Variants in PRRC2B observed in about 807,000 individuals in gnomAD.
PRRC2B encodes proline rich coiled-coil 2B.
A neutral mutation model predicts 242.3 loss-of-function variants in PRRC2B; 68 were observed. The ratio of observed to expected loss-of-function variants is 0.28; its 90% CI spans 0.23 to 0.34. PRRC2B has a LOEUF of 0.34. Ranked by LOEUF, PRRC2B falls within the 10% of genes least tolerant of loss-of-function variation. PRRC2B has a pLI of 1.00. For missense variants in PRRC2B, 2,835 were observed against 2,954.8 expected (o/e 0.96, Z 0.94); for synonymous variants, 1,228 against 1,173.6 (o/e 1.05, Z -0.95).
At chr9:131,436,792 GA>G (rs1386368009) in intron 4 of PRRC2B, 70 bp downstream of exon 4, 1 of 1,281,308 alleles carries the variant, frequency 7.8e-7, no homozygotes, top group East Asian at 2.3e-5. Context: ...GTTGCTGGGG[GA>G]TGGAAGGAGT....
rs184673881 is a variant in PRRC2B, at chr9:131,438,373, G to T, written c.397-616G>T. Among the ~76,000 whole-genome samples the T allele has an allele frequency of 4.1e-3, 617 of 152,162 alleles. 3 individuals carry two copies. The highest frequency in any genetic ancestry group is 0.014 in the African/African-American group (598 of 41,492). The stretch of plus-strand genomic sequence containing the variant: ...GGGGATGTGACTAGAGCCTTCTCAG[G>T]GGGTGGTGAGCATTCAGTCAGGCTG... On this transcript the variant is annotated intron_variant, in intron 4 of 31. Transcript: ENST00000683519.
intron 1 of PRRC2B, among the ~76,000 whole-genome samples, chr9:131,407,542 G>A (rs974490721): frequency 2.0e-5 from 3 of 152,096 alleles, no homozygotes; most frequent in Non-Finnish European, 4.4e-5. Context: ...AACTGGCTTC[G>A]CCGGCGATTG....
chr9:131,397,568 T>G (rs933567090), intron 1 of PRRC2B, among the ~76,000 whole-genome samples: 4 of 8,666 alleles, frequency 4.6e-4, no homozygotes, highest in African/African-American at 6.7e-4. Context: ...TGAGGGTTTT[T>G]TTTTTTTTTT....
chr9:131,376,597 C>T lies in PRRC2B; in HGVS notation c.-56+2866C>T, dbSNP rs554686723. Among the ~76,000 whole-genome samples, 9 of 152,250 alleles carry T rather than the reference C, an allele frequency of 5.9e-5. No homozygotes were observed. In the East Asian group the frequency reaches 9.7e-4, roughly 16 times the overall value. On this transcript the variant is annotated intron_variant, in intron 1 of 1. Transcript: ENST00000682525. ...AGGCCAGAGTGATGGGCATGCTTCC[C>T]GGCCTGTGTTTCCTTGTTAACACAA... is the stretch of plus-strand genomic sequence containing the variant.
intron 1 of PRRC2B, among the ~76,000 whole-genome samples, chr9:131,376,596 C>G (rs1326763987): frequency 1.3e-5 from 2 of 152,102 alleles, no homozygotes; most frequent in Non-Finnish European, 2.9e-5. Flanking sequence ...GGCATGCTTC[C>G]CGGCCTGTGT....
chr9:131,427,557 C>G (rs1367287739), intron 1 of PRRC2B, among the ~76,000 whole-genome samples: 1 of 152,168 alleles, frequency 6.6e-6, no homozygotes, highest in African/African-American at 2.4e-5. Flanking sequence ...GTCTCGATCT[C>G]CTGACCTAGT....
intron 31 of PRRC2B, among the ~76,000 whole-genome samples, chr9:131,495,130 T>C (rs1191860052): frequency 6.6e-6 from 1 of 152,122 alleles, no homozygotes; most frequent in African/African-American, 2.4e-5. Context: ...TCTTCCAGAG[T>C]TCAGACCTGG....
At chr9:131,412,305 C>T (rs1837527981) in intron 1 of PRRC2B, among the ~76,000 whole-genome samples, 1 of 152,066 alleles carries the variant, frequency 6.6e-6, no homozygotes, top group East Asian at 1.9e-4. Flanking sequence ...GTGTCTGTCT[C>T]CTTTGATTCA....
chr9:131,448,543 C>CAGAAAA (rs1838884232), intron 9 of PRRC2B, among the ~76,000 whole-genome samples: 1 of 39,874 alleles, frequency 2.5e-5, no homozygotes, highest in Non-Finnish European at 5.3e-5. Context: ...GACACTGTCT[C>CAGAAAA]AAAAAAAAAA....
At chr9:131,419,191 G>T (rs1306379538) in intron 1 of PRRC2B, among the ~76,000 whole-genome samples, 1 of 152,156 alleles carries the variant, frequency 6.6e-6, no homozygotes, top group African/African-American at 2.4e-5. Flanking sequence ...TGAAACTGGG[G>T]CAGTTTAGTG....
intron 6 of PRRC2B, 119 bp downstream of exon 6, chr9:131,444,447 GC>G (rs35673714): frequency 0.81 from 904,319 of 1,120,422 alleles, 367,992 homozygotes; most frequent in East Asian, 0.92. Flanking sequence ...TGGAAACGTG[GC>G]TCTTTGACTC....
chr9:131,446,279 G>GT lies in PRRC2B; in HGVS notation c.614-116dup, dbSNP rs1175541857. The GT allele has an allele frequency of 8.1e-7, 1 of 1,238,618 alleles. No homozygotes were observed. The highest frequency in any genetic ancestry group is 1.5e-5 in the South Asian group (1 of 65,240). The allele number at this position is 1,238,618 out of a possible 1,614,324, so 76.7% of individuals were successfully genotyped here. On this transcript the variant is annotated intron_variant, in intron 6 of 31. Transcript: ENST00000683519. This position sits in a 1 kb window ranked among gnomAD's most constrained non-coding sequence, Gnocchi z 4.1. ...GATTTAACAGTTCTTCACTTTTGGT[G>GT]TTTTTTGTTTTTCATTTTATTTTTT... is the stretch of plus-strand genomic sequence containing the variant.
At chr9:131,460,829 G>T (rs1216330216) in intron 11 of PRRC2B, among the ~76,000 whole-genome samples, 2 of 152,014 alleles carry the variant, frequency 1.3e-5, no homozygotes, top group Admixed American at 1.3e-4. Flanking sequence ...CTTTCTCCAT[G>T]AAGTCCTAGT....
At chr9:131,377,741 C>G (rs776806533) in intron 1 of PRRC2B, among the ~76,000 whole-genome samples, 1 of 152,122 alleles carries the variant, frequency 6.6e-6, no homozygotes, top group Non-Finnish European at 1.5e-5. Flanking sequence ...TTCTCCTCTC[C>G]TCTCTGTTTT....
chr9:131,453,050 C>G lies in PRRC2B; in HGVS notation c.1121-2026C>G, dbSNP rs4571773. Among the ~76,000 whole-genome samples, 277 of 152,350 alleles carry G rather than the reference C, an allele frequency of 1.8e-3. 2 individuals are homozygous for G. The highest frequency in any genetic ancestry group is 6.3e-3 in the African/African-American group (262 of 41,580). On this transcript the variant is annotated intron_variant, in intron 9 of 31. Transcript: ENST00000683519. ...TGTTAAACTCCAATTATGGATTTAT[C>G]TGTTCCTCCCTTTAATACTGTTGGT...
At position 131,491,453 on chromosome 9, in the gene PRRC2B, C is replaced by T. The variant is rs1487048084; in HGVS notation, c.6254C>T (p.Ser2085Phe). The part of the protein sequence containing the change: ...QLTMPLPRYG[S>F]GQQPLILPQS... ...ACCATGCCACTGCCTCGGTACGGCT[C>T]CGGGCAGCAGCCACTGATCCTGCCC... Residue 2085 changes from serine (S) to phenylalanine (F), a missense_variant, in exon 29 of 32, where the codon TCC becomes TTC. Coordinates refer to ENST00000683519, the MANE Select transcript of PRRC2B (RefSeq NM_013318.4). 1 of 1,609,810 alleles carries T rather than the reference C, an allele frequency of 6.2e-7. No individual in the cohort carries two copies. Among genetic ancestry groups the T allele is most frequent in the Admixed American group, 1.7e-5 (1 of 59,818 alleles).
rs762284674 is a variant in PRRC2B, at chr9:131,475,509, G to A, written c.3380G>A (p.Arg1127Gln). The A allele has an allele frequency of 1.4e-5, 22 of 1,608,670 alleles. No homozygotes were observed. The highest frequency in any genetic ancestry group is 9.4e-5 in the African/African-American group (7 of 74,700). The change falls in exon 16 of 32, where the codon CGA (arginine) becomes CAA (glutamine). Residue 1127 changes from arginine to glutamine, a missense_variant. Arg to Gln is a conservative substitution (Grantham distance 43). Coordinates refer to ENST00000683519, the MANE Select transcript of PRRC2B (RefSeq NM_013318.4). ...GAGGACTGCCCCAGAGCCAAGCCCC[G>A]ACGGAGAGTTGCCAGTGAGACCCAT... The part of the protein sequence containing the change: ...RPEDCPRAKP[R>Q]RRVASETHSE...
At position 131,446,120 on chromosome 9, in the gene PRRC2B, T is replaced by TGGG. The variant is rs147114384; in HGVS notation, c.614-279_614-277dup. 6.6e-6 allele frequency among the ~76,000 whole-genome samples: 1 copy of TGGG among 152,166 alleles called. No homozygotes were observed. Among genetic ancestry groups the TGGG allele is most frequent in the Non-Finnish European group, 1.5e-5 (1 of 68,018 alleles). On this transcript the variant is annotated intron_variant, in intron 6 of 31. Coordinates refer to ENST00000683519, the MANE Select transcript of PRRC2B (RefSeq NM_013318.4). The surrounding 1 kb of genome is among the most constrained non-coding windows in gnomAD (Gnocchi z 4.1). Reference sequence around the variant, plus strand: ...CTTCATCTCTCTGGGTTGTGAGACTTGGGGAAGGGTGGTGATTGTTGCTTA... The same window carrying TGGG: ...CTTCATCTCTCTGGGTTGTGAGACTTGGGGGGGAAGGGTGGTGATTGTTGCTTA...
chr9:131,381,526 C>T (rs1486712981), intron 1 of PRRC2B, among the ~76,000 whole-genome samples: 1 of 147,974 alleles, frequency 6.8e-6, no homozygotes, highest in Non-Finnish European at 1.5e-5. Flanking sequence ...TCACGCCATT[C>T]TCCTGCCTCA....
Sources: allele counts gnomAD v4.1 joint callset (sites outside exome capture counted in the v4.1 genomes callset), GRCh38; gene constraint gnomAD v4.1.1; non-coding constraint Gnocchi (gnomAD v3.1); transcripts MANE v1.5; gene names NCBI Gene and HGNC (gene_info 2026-07-23, HGNC 2026-07-21).